ZNF488: variants seen among roughly 807,000 people sequenced by gnomAD.
ZNF488 encodes zinc finger protein 488.
In ZNF488, 1 loss-of-function variant was observed where a neutral mutation model predicts 1.2. The ratio of observed to expected loss-of-function variants is 0.86; its 90% CI spans 0.30 to 4.07. ZNF488 has a LOEUF of 4.07. Ranked by LOEUF, ZNF488 falls within the 30% of genes most tolerant of loss-of-function variation. The probability of loss-of-function intolerance (pLI) is 0.18; values close to 1 mark genes in which losing one functional copy is unlikely to be tolerated. For missense variants in ZNF488, 450 were observed against 437.9 expected, an observed-to-expected ratio of 1.03 and a Z score of -0.25; for synonymous variants, 185 against 190.1, an observed-to-expected ratio of 0.97 and a Z score of 0.22.
rs781881634 is a variant in ZNF488, at chr10:47,368,692, CT to C, written c.137del (p.Lys46SerfsTer33). ...GGTTCGTCTTCTCGAGCAGCACTGG[CT>C]TGCAGCCCCGGCCCAGCTCAGGTTC... ...LSEPELGRGCKPVLLEKTNRL... is the reference protein window; with the variant it reads ...LSEPELGRGCXPVLLEKTNRL... On this transcript the variant is annotated frameshift_variant, in exon 2 of 2. Coordinates refer to ENST00000585316, the MANE Select transcript of ZNF488 (RefSeq NM_153034.4). LOFTEE classifies it low-confidence loss of function (END_TRUNC). 6.2e-7 allele frequency: 1 copy of C among 1,612,758 alleles called. No homozygotes were observed. Among genetic ancestry groups the C allele is most frequent in the Non-Finnish European group, 8.5e-7 (1 of 1,180,026 alleles).
chr10:47,370,094 T>A (rs1837408081), intron 1 of ZNF488, among the ~76,000 whole-genome samples: 1 of 151,986 alleles, frequency 6.6e-6, no homozygotes, highest in Non-Finnish European at 1.5e-5. Flanking sequence ...ATGTGAGCCC[T>A]CCATATTCCC....
Position 47,366,950 on chromosome 10 carries a change from A to C in ZNF488, c.*857T>G, listed in dbSNP as rs937616033. The C allele has an allele frequency of 1.2e-5, 2 of 166,900 alleles. No homozygotes were observed. Among genetic ancestry groups the C allele is most frequent in the African/African-American group, 4.8e-5 (2 of 41,378 alleles). The allele number at this position is 166,900 out of a possible 1,614,324, so 10.3% of individuals were successfully genotyped here. A position where few individuals can be genotyped will look rare whatever the true frequency, so the allele number is the denominator to read the frequency against. The stretch of plus-strand genomic sequence containing the variant: ...GGGGATGGATGGTCACTCCCTTGTC[A>C]CAGCTTCACCAAGGGCAGCCTACAC... On this transcript the variant is annotated 3_prime_UTR_variant, in exon 2 of 2. Coordinates refer to ENST00000585316, the MANE Select transcript of ZNF488 (RefSeq NM_153034.4).
chr10:47,373,124 G>A (rs1837546016), intron 1 of ZNF488, among the ~76,000 whole-genome samples: 1 of 152,146 alleles, frequency 6.6e-6, no homozygotes, highest in African/African-American at 2.4e-5. Flanking sequence ...CCCTCACAGA[G>A]TCTCAAAAAT....
intron 1 of ZNF488, among the ~76,000 whole-genome samples, chr10:47,377,745 G>A (rs1260834827): frequency 6.9e-6 from 1 of 144,972 alleles, no homozygotes; most frequent in Non-Finnish European, 1.5e-5. Flanking sequence ...CGCCGGCTCA[G>A]CCCTGCCCCT....
chr10:47,368,036 G>A lies in ZNF488; in HGVS notation c.794C>T (p.Thr265Ile). 6.2e-7 allele frequency: 1 copy of A among 1,614,092 alleles called. No individual in the cohort carries two copies. The stretch of plus-strand genomic sequence containing the variant: ...GGTGGACAAGCCCAGGGAGGTGAGG[G>A]TGGGTGGCAGGAGGGCCCACGAAGT... ...STTSWALLPP[T>I]LTSLGLSTQN... The change falls in exon 2 of 2, where the codon ACC (threonine) becomes ATC (isoleucine). Residue 265 changes from threonine (T) to isoleucine (I), a missense_variant. Transcript: ENST00000585316.
In ZNF488 at chr10:47,365,749, A is replaced by C. The variant is rs1321978320; in HGVS notation, c.*2058T>G. On this transcript the variant is annotated 3_prime_UTR_variant, in exon 2 of 2. Coordinates refer to ENST00000585316, the MANE Select transcript of ZNF488 (RefSeq NM_153034.4). Reference sequence around the variant, plus strand: ...GGGAATCTGGGAGACCTCTCTAAGGAGCTGACCTGCGAGAAGAAGCCCTGT... The same window carrying C: ...GGGAATCTGGGAGACCTCTCTAAGGCGCTGACCTGCGAGAAGAAGCCCTGT... 1 of 167,154 alleles carries C rather than the reference A, an allele frequency of 6.0e-6. No homozygotes were observed. The highest frequency in any genetic ancestry group is 2.4e-5 in the African/African-American group (1 of 41,456). 10.4% of individuals were successfully genotyped at this position (167,154 alleles called of 1,614,324 possible). A position where few individuals can be genotyped will look rare whatever the true frequency, so the allele number is the denominator to read the frequency against.
rs1837289532 is a variant in ZNF488 at position 47,368,075 on chromosome 10, G to A, written c.755C>T (p.Ser252Leu). The change falls in exon 2 of 2, where the codon TCA (serine) becomes TTA (leucine). Residue 252 changes from serine to leucine, a missense_variant. Ser to Leu is a moderately radical substitution (Grantham distance 145). Transcript: ENST00000585316. ...EHTQAQVPPP[S>L]SSSTTSWALL... ...GGCCCACGAAGTGGTGGAGGATGAT[G>A]AGGGTGGGGGCACCTGGGCCTGGGT... The A allele has an allele frequency of 5.0e-6, 8 of 1,614,222 alleles. No homozygotes were observed. The highest frequency in any genetic ancestry group is 2.2e-5 in the East Asian group (1 of 44,878).
intron 1 of ZNF488, among the ~76,000 whole-genome samples, 189 bp from the exon 2 acceptor site, chr10:47,369,126 C>T (rs1837366230): frequency 6.6e-6 from 1 of 152,242 alleles, no homozygotes; most frequent in African/African-American, 2.4e-5. Flanking sequence ...GGCCCACCTC[C>T]CTGAGGCAGA....
At chr10:47,381,945 G>A (rs1376238980) in intron 1 of ZNF488, among the ~76,000 whole-genome samples, 1 of 152,280 alleles carries the variant, frequency 6.6e-6, no homozygotes, top group Non-Finnish European at 1.5e-5. Context: ...TGTGTGGAGT[G>A]ATATTTTAGA....
In ZNF488 at chr10:47,370,469, GGT is replaced by G. The variant is rs544442618; in HGVS notation, c.-108-1534_-108-1533del. Among the ~76,000 whole-genome samples the G allele has an allele frequency of 1.9e-3, 285 of 152,318 alleles. 2 individuals are homozygous for G. The highest frequency in any genetic ancestry group is 5.8e-3 in the African/African-American group (241 of 41,564). Reference sequence around the variant, plus strand: ...TAAGAATACAGCTGATTGGCCTGTGGGTGCCAAGAGTCACCTTAAGGGTGGAG... The same window carrying G: ...TAAGAATACAGCTGATTGGCCTGTGGGCCAAGAGTCACCTTAAGGGTGGAG... On this transcript the variant is annotated intron_variant, in intron 1 of 1. Transcript: ENST00000585316.
chr10:47,373,519 G>A (rs922588352), intron 1 of ZNF488, among the ~76,000 whole-genome samples: 2 of 152,322 alleles, frequency 1.3e-5, no homozygotes, highest in East Asian at 1.9e-4. Flanking sequence ...ATCGTGAAAT[G>A]AGTGGGAACA....
chr10:47,374,176 T>A (rs1030547672), intron 1 of ZNF488, among the ~76,000 whole-genome samples: 5 of 152,352 alleles, frequency 3.3e-5, no homozygotes, highest in Non-Finnish European at 7.3e-5. Context: ...CCAGGTGTCC[T>A]CTATGGTCCT....
chr10:47,377,746 C>T (rs952462758), intron 1 of ZNF488, among the ~76,000 whole-genome samples: 19 of 151,444 alleles, frequency 1.3e-4, no homozygotes, highest in Admixed American at 9.9e-4. Flanking sequence ...GCCGGCTCAG[C>T]CCTGCCCCTG....
Position 47,367,738 on chromosome 10 carries a change from C to A in ZNF488, c.*69G>T, listed in dbSNP as rs545755372. The A allele has an allele frequency of 7.0e-5, 106 of 1,524,346 alleles. No homozygotes were observed. In the East Asian group the frequency reaches 2.4e-3, roughly 34 times the overall value. 94.4% of individuals were successfully genotyped at this position (1,524,346 alleles called of 1,614,324 possible). On this transcript the variant is annotated 3_prime_UTR_variant, in exon 2 of 2. Coordinates refer to ENST00000585316, the MANE Select transcript of ZNF488 (RefSeq NM_153034.4). ...AAGGACCATGACAGCCCCCTCAACG[C>A]AGGCCCAGGGAGCCCCCCTCTGCCA...
At position 47,368,296 on chromosome 10, in the gene ZNF488, T is replaced by G. The variant is rs1837308094; in HGVS notation, c.534A>C (p.Ser178=). The G allele has an allele frequency of 5.0e-6, 8 of 1,614,212 alleles. No homozygotes were observed. The highest frequency in any genetic ancestry group is 6.8e-6 in the Non-Finnish European group (8 of 1,180,030). The change falls in exon 2 of 2, where the codon TCA becomes TCC. Residue 178 remains serine (S), a synonymous_variant. Coordinates refer to ENST00000585316, the MANE Select transcript of ZNF488 (RefSeq NM_153034.4). ...KRPAERPELT[S]VFPAGESADA... is the part of the protein sequence containing the mutation. ...CTGCAGATTCCCCTGCAGGGAAGAC[T>G]GAGGTTAGCTCAGGCCTCTCTGCTG...
chr10:47,379,206 T>A (rs1281203423), intron 1 of ZNF488, among the ~76,000 whole-genome samples: 1 of 139,466 alleles, frequency 7.2e-6, no homozygotes, highest in Non-Finnish European at 1.6e-5. Context: ...ACAATAGTAT[T>A]AACAAATGAA....
intron 1 of ZNF488, among the ~76,000 whole-genome samples, chr10:47,378,702 G>A (rs1400996578): frequency 3.3e-5 from 5 of 152,202 alleles, no homozygotes; most frequent in African/African-American, 4.8e-5. Context: ...ATAAATCAGA[G>A]AGAAAGCAAG....
intron 1 of ZNF488, among the ~76,000 whole-genome samples, chr10:47,377,625 CACACACACACACAT>C (rs1253592764): frequency 1.3e-4 from 20 of 150,184 alleles, no homozygotes; most frequent in African/African-American, 4.9e-4. Flanking sequence ...CACACACACA[CACACACACACACAT>C]GGCTGCCACC....
At position 47,368,167 on chromosome 10, in the gene ZNF488, T is replaced by C. The variant is rs2132273587; in HGVS notation, c.663A>G (p.Gln221=). The part of the protein sequence containing the change: ...KLLVGDLWNL[Q]ALPQNAPLCS... ...AGAGTGGAGCATTCTGTGGCAATGC[T>C]TGCAAGTTCCACAAATCACCAACCA... Residue 221 remains glutamine (Q), a synonymous_variant, in exon 2 of 2, where the codon CAA becomes CAG. Transcript: ENST00000585316. 1.9e-6 allele frequency: 3 copies of C among 1,614,156 alleles called. No individual in the cohort carries two copies. The highest frequency in any genetic ancestry group is 2.5e-6 in the Non-Finnish European group (3 of 1,180,028).
Sources: allele counts gnomAD v4.1 joint callset (sites outside exome capture counted in the v4.1 genomes callset), GRCh38; gene constraint gnomAD v4.1.1; transcripts MANE v1.5; gene names NCBI Gene and HGNC (gene_info 2026-07-23, HGNC 2026-07-21).